The following TRABD2B variants were observed in gnomAD, a reference collection of about 807,000 sequenced individuals.
TRABD2B encodes metalloprotease TIKI2.
TRABD2B carries 14 observed loss-of-function variants against 40.1 expected under a neutral mutation model. The ratio of observed to expected loss-of-function variants is 0.35; its 90% CI spans 0.23 to 0.55. The LOEUF is 0.55. Among genes scored for constraint, TRABD2B ranks in the 20% least tolerant of loss-of-function variants. TRABD2B has a pLI of 0.90. For synonymous variants in TRABD2B, 263 were observed against 277.0 expected (o/e 0.95, Z 0.50); for missense variants, 541 against 648.6 (o/e 0.83, Z 1.80).
intron 2 of TRABD2B, among the ~76,000 whole-genome samples, chr1:47,857,876 T>C (rs576991111): frequency 6.8e-6 from 1 of 148,070 alleles, no homozygotes; most frequent in East Asian, 2.0e-4. Context: ...TGTATCTTAG[T>C]TAATACGGTA....
rs116629342 is a variant in TRABD2B at position 47,879,301 on chromosome 1, G to A, written c.667-77682C>T. 4.7e-3 allele frequency among the ~76,000 whole-genome samples: 714 copies of A among 152,180 alleles called. 6 individuals carry two copies. Among genetic ancestry groups the A allele is most frequent in the African/African-American group, 0.017 (697 of 41,510 alleles). Reference sequence around the variant, plus strand: ...AGTCCACATATGCAACAGTGATTCCGTAAGATTATATTTTTAATATGTAAA... The same window carrying A: ...AGTCCACATATGCAACAGTGATTCCATAAGATTATATTTTTAATATGTAAA... On this transcript the variant is annotated intron_variant, in intron 2 of 6. Transcript: ENST00000606738.
chr1:47,881,514 C>A (rs991203238), intron 2 of TRABD2B, among the ~76,000 whole-genome samples: 1 of 152,184 alleles, frequency 6.6e-6, no homozygotes, highest in Middle Eastern at 3.2e-3. Context: ...ATTGTTACCG[C>A]ACTTTACAGT....
chr1:47,857,322 T>C (rs1214796015), intron 2 of TRABD2B, among the ~76,000 whole-genome samples: 1 of 152,128 alleles, frequency 6.6e-6, no homozygotes, highest in Non-Finnish European at 1.5e-5. Context: ...TGAGCTCTCA[T>C]CTTCTTAGCC....
chr1:47,976,028 A>T (rs1645751230), intron 2 of TRABD2B, among the ~76,000 whole-genome samples: 1 of 152,130 alleles, frequency 6.6e-6, no homozygotes, highest in South Asian at 2.1e-4. Flanking sequence ...CAGACCAGAA[A>T]AGACCTTCCA....
At chr1:47,972,517 G>A (rs1442830816) in intron 2 of TRABD2B, among the ~76,000 whole-genome samples, 2 of 150,536 alleles carry the variant, frequency 1.3e-5, no homozygotes, top group Non-Finnish European at 3.0e-5. Flanking sequence ...AGACCCCAGA[G>A]AGCTCTCTAG....
At chr1:47,785,387 G>A (rs1423998303) in intron 4 of TRABD2B, among the ~76,000 whole-genome samples, 3 of 152,236 alleles carry the variant, frequency 2.0e-5, no homozygotes, top group African/African-American at 7.2e-5. Flanking sequence ...GAACTGCTGT[G>A]TCTGGGTGGA....
At chr1:47,829,272 C>G (rs1645217897) in intron 2 of TRABD2B, among the ~76,000 whole-genome samples, 1 of 152,086 alleles carries the variant, frequency 6.6e-6, no homozygotes, top group African/African-American at 2.4e-5. Flanking sequence ...TTTCAAGGAG[C>G]AGTCTCCAGC....
intron 3 of TRABD2B, among the ~76,000 whole-genome samples, chr1:47,800,032 CTTCA>C (rs1453629479): frequency 1.8e-3 from 190 of 103,920 alleles, no homozygotes; most frequent in Admixed American, 4.9e-3. Flanking sequence ...TCCTTCCTTC[CTTCA>C]TTCATTCATT....
chr1:47,988,399 G>A (rs1424054449), intron 2 of TRABD2B, among the ~76,000 whole-genome samples: 4 of 152,160 alleles, frequency 2.6e-5, no homozygotes, highest in East Asian at 1.9e-4. Context: ...GACACATTTC[G>A]AAGTCTCTTC....
At chr1:47,936,949 TCAC>T (rs1387223041) in intron 2 of TRABD2B, among the ~76,000 whole-genome samples, 3 of 144,326 alleles carry the variant, frequency 2.1e-5, no homozygotes, top group East Asian at 2.1e-4. Flanking sequence ...ATCACCATCA[TCAC>T]CACCACCATC....
chr1:47,850,463 A>T (rs1240663309), intron 2 of TRABD2B, among the ~76,000 whole-genome samples: 1 of 152,236 alleles, frequency 6.6e-6, no homozygotes, highest in Non-Finnish European at 1.5e-5. Flanking sequence ...CAGGGGTCTA[A>T]GAATCTAGAT....
chr1:47,783,918 G>A (rs1271902415), intron 4 of TRABD2B, among the ~76,000 whole-genome samples: 15 of 152,148 alleles, frequency 9.9e-5, no homozygotes. Flanking sequence ...GTCACCTTGG[G>A]GAGTTTCCAG....
rs997124338 is a variant in TRABD2B at position 47,946,731 on chromosome 1, G to A, written c.666+47303C>T. ...TTTCTTGGCCTTGTTTTGGTATCAG[G>A]ATAGTCCTGGCCTTATAAAGCTGGG... On this transcript the variant is annotated intron_variant, in intron 2 of 6. Coordinates refer to ENST00000606738, the MANE Select transcript of TRABD2B (RefSeq NM_001194986.2). 3.3e-5 allele frequency among the ~76,000 whole-genome samples: 5 copies of A among 152,290 alleles called. No homozygotes were observed. In the South Asian group the frequency reaches 6.2e-4, roughly 19 times the overall value.
At chr1:47,820,542 CT>C (rs1441193783) in intron 2 of TRABD2B, among the ~76,000 whole-genome samples, 1 of 152,198 alleles carries the variant, frequency 6.6e-6, no homozygotes, top group Non-Finnish European at 1.5e-5. Flanking sequence ...GAAGTGGAAG[CT>C]CTCAGTGAGG....
At chr1:47,950,821 C>T (rs1033272121) in intron 2 of TRABD2B, among the ~76,000 whole-genome samples, 7 of 152,200 alleles carry the variant, frequency 4.6e-5, no homozygotes, top group African/African-American at 1.4e-4. Flanking sequence ...AGTCGCTCAG[C>T]CCCTTGATGT....
chr1:47,792,236 A>G (rs1644685015), intron 4 of TRABD2B, among the ~76,000 whole-genome samples: 3 of 152,156 alleles, frequency 2.0e-5, no homozygotes, highest in Admixed American at 2.0e-4. Context: ...CCCAGAGGAG[A>G]ACAGGATGGG....
At chr1:47,983,463 C>G (rs1645870986) in intron 2 of TRABD2B, among the ~76,000 whole-genome samples, 2 of 152,008 alleles carry the variant, frequency 1.3e-5, no homozygotes, top group Admixed American at 1.3e-4. Context: ...CAAACCTGCA[C>G]ATGTACCCCT....
chr1:47,794,861 AGC>A, intron 3 of TRABD2B, 101 bp from the exon 4 acceptor site: 15 of 1,160,234 alleles, frequency 1.3e-5, no homozygotes, highest in African/African-American at 1.6e-5. Flanking sequence ...GGCTCACTGC[AGC>A]CTCAACTCTC....
chr1:47,901,800 G>A (rs1393538717), intron 2 of TRABD2B, among the ~76,000 whole-genome samples: 2 of 152,166 alleles, frequency 1.3e-5, no homozygotes, highest in African/African-American at 4.8e-5. Context: ...AGACAGGCAC[G>A]TTGGCAGTCT....
Sources: gnomAD v4.1 joint callset for allele counts (sites outside exome capture counted in the v4.1 genomes callset) on GRCh38, gnomAD v4.1.1 for gene constraint, MANE v1.5 for transcripts, NCBI Gene and HGNC (gene_info 2026-07-23, HGNC 2026-07-21) for gene names.